The following ADGRV1 variants were observed in gnomAD, a reference collection of about 807,000 sequenced individuals.
The protein encoded by ADGRV1 is G-protein coupled receptor 98.
In ADGRV1, 359 loss-of-function variants were observed where a neutral mutation model predicts 596.2. That is an observed-to-expected ratio of 0.60 (90% confidence interval 0.55 to 0.66). The LOEUF is 0.66. Among genes scored for constraint, ADGRV1 ranks in the 30% least tolerant of loss-of-function variants. The pLI is 0.00. For synonymous variants in ADGRV1, 2,681 were observed against 2,679.2 expected (o/e 1.00, Z -0.02); for missense variants, 7,274 against 7,575.6 (o/e 0.96, Z 1.48).
chr5:90,591,837 C>T (rs868090673), intron 1 of ADGRV1, among the ~76,000 whole-genome samples: 5 of 152,142 alleles, frequency 3.3e-5, no homozygotes, highest in African/African-American at 1.2e-4. Flanking sequence ...TTAGGCATTG[C>T]GCTAAGTATA....
chr5:90,665,784 A>T (rs1771244480), intron 21 of ADGRV1, among the ~76,000 whole-genome samples: 1 of 149,954 alleles, frequency 6.7e-6, no homozygotes, highest in Non-Finnish European at 1.5e-5. Flanking sequence ...CACTGCTTTG[A>T]ATGCGTCCCA....
intron 87 of ADGRV1, among the ~76,000 whole-genome samples, chr5:91,136,149 G>A (rs1794619038): frequency 6.6e-6 from 1 of 152,168 alleles, no homozygotes; most frequent in African/African-American, 2.4e-5. Context: ...CCAAACTACA[G>A]AGGTCTTATT....
rs183613330 is a variant in ADGRV1 at position 91,031,267 on chromosome 5, G to A, written c.18153-41180G>A. 4.5e-5 allele frequency: 71 copies of A among 1,586,300 alleles called. No individual in the cohort carries two copies. In the African/African-American group the frequency reaches 8.5e-4, roughly 19 times the overall value. ...AGGTTGCTGTTGAATGTGTTCCAAG[G>A]CCAGCCTGTTGTAAGTCTCATTGAT... is the stretch of plus-strand genomic sequence containing the variant. On this transcript the variant is annotated intron_variant, in intron 85 of 89. Coordinates refer to ENST00000405460, the MANE Select transcript of ADGRV1 (RefSeq NM_032119.4).
chr5:90,927,748 T>C (rs536910904), intron 83 of ADGRV1, among the ~76,000 whole-genome samples: 4 of 152,190 alleles, frequency 2.6e-5, no homozygotes, highest in Non-Finnish European at 5.9e-5. Flanking sequence ...ACATTTTGGC[T>C]TGATTTTGCA....
At chr5:91,047,486 A>G (rs2151296288) in intron 85 of ADGRV1, among the ~76,000 whole-genome samples, 1 of 152,296 alleles carries the variant, frequency 6.6e-6, no homozygotes, top group Non-Finnish European at 1.5e-5. Context: ...CCAGCATGGG[A>G]GAAAGATGTA....
intron 50 of ADGRV1, among the ~76,000 whole-genome samples, chr5:90,735,479 T>C (rs1406857072): frequency 6.6e-6 from 1 of 152,140 alleles, no homozygotes; most frequent in Non-Finnish European, 1.5e-5. Flanking sequence ...CTTGAGATCG[T>C]TTTGTCTATT....
chr5:90,893,589 C>T (rs1771029060), intron 83 of ADGRV1, among the ~76,000 whole-genome samples: 1 of 152,114 alleles, frequency 6.6e-6, no homozygotes, highest in African/African-American at 2.4e-5. Context: ...TTAGCAGTAT[C>T]CATTTGCTTA....
rs544744993 is a variant in ADGRV1 at position 90,901,933 on chromosome 5, T to C, written c.17856+38076T>C. ...AGAGGGTAGACTGTAGTGTGAATAG[T>C]GGCCTCTTGGGATAGTGGAAGCAGA... On this transcript the variant is annotated intron_variant, in intron 83 of 89. Coordinates refer to ENST00000405460, the MANE Select transcript of ADGRV1 (RefSeq NM_032119.4). Among the ~76,000 whole-genome samples the C allele has an allele frequency of 4.6e-5, 7 of 152,224 alleles. No individual in the cohort carries two copies. In the East Asian group the frequency reaches 5.8e-4, roughly 13 times the overall value.
chr5:90,631,925 A>G (rs1377822275), intron 9 of ADGRV1, among the ~76,000 whole-genome samples: 1 of 152,228 alleles, frequency 6.6e-6, no homozygotes, highest in Non-Finnish European at 1.5e-5. Context: ...GCTTTTAAAA[A>G]TTGATTTTAT....
intron 83 of ADGRV1, among the ~76,000 whole-genome samples, chr5:90,959,181 T>G (rs10074585): frequency 0.4 from 60,721 of 151,904 alleles, 13,717 homozygotes; most frequent in African/African-American, 0.62. Flanking sequence ...AAAATAAATT[T>G]TATTTCTATG....
chr5:90,569,568 T>C (rs1374686625), intron 1 of ADGRV1, among the ~76,000 whole-genome samples: 1 of 150,876 alleles, frequency 6.6e-6, no homozygotes, highest in Admixed American at 6.6e-5. Flanking sequence ...TAATTACTGA[T>C]AAGGTAGGAT....
chr5:90,906,915 A>G (rs1408671257), intron 83 of ADGRV1, among the ~76,000 whole-genome samples: 1 of 152,138 alleles, frequency 6.6e-6, no homozygotes, highest in African/African-American at 2.4e-5. Context: ...TTGAGTAATA[A>G]TATACATAAT....
intron 85 of ADGRV1, among the ~76,000 whole-genome samples, chr5:91,004,170 A>G (rs904552600): frequency 6.6e-6 from 1 of 152,202 alleles, no homozygotes; most frequent in African/African-American, 2.4e-5. Flanking sequence ...ACTTCCAACT[A>G]TCAGATAAGT....
intron 85 of ADGRV1, among the ~76,000 whole-genome samples, chr5:91,024,901 G>T (rs941919323): frequency 2.0e-5 from 3 of 152,128 alleles, no homozygotes; most frequent in Non-Finnish European, 4.4e-5. Context: ...GCATCAAATT[G>T]CGCAGAATGG....
At chr5:90,746,563 T>G (rs980599322) in intron 52 of ADGRV1, among the ~76,000 whole-genome samples, 2 of 152,200 alleles carry the variant, frequency 1.3e-5, no homozygotes, top group African/African-American at 4.8e-5. Context: ...TCGGGGTTAG[T>G]TGGATACTCT....
rs141501365 is a variant in ADGRV1, at chr5:90,790,773, AT to A, written c.14044-90del. On this transcript the variant is annotated intron_variant, in intron 69 of 89. Transcript: ENST00000405460. ...TTTGAATATAGTGATGCACAATTAT[AT>A]TTTTTTTTTGTATATTATAGAGAAA... The A allele has an allele frequency of 0.041, 27,290 of 663,022 alleles. 956 individuals carry two copies. The highest frequency in any genetic ancestry group is 0.16 in the African/African-American group (8,714 of 54,346). The allele number at this position is 663,022 out of a possible 1,614,324, so 41.1% of individuals were successfully genotyped here.
chr5:90,798,505 G>T (rs2150169181), intron 70 of ADGRV1, among the ~76,000 whole-genome samples: 1 of 152,282 alleles, frequency 6.6e-6, no homozygotes, highest in Admixed American at 6.5e-5. Context: ...GTACAAAGAG[G>T]AGCTGGTACC....
intron 11 of ADGRV1, among the ~76,000 whole-genome samples, chr5:90,639,934 C>T (rs1766747677): frequency 6.6e-6 from 1 of 152,062 alleles, no homozygotes; most frequent in African/African-American, 2.4e-5. Context: ...TTATAATTTC[C>T]TCTCAATGTC....
At chr5:91,133,710 C>G (rs2126808435) in intron 87 of ADGRV1, among the ~76,000 whole-genome samples, 1 of 152,330 alleles carries the variant, frequency 6.6e-6, no homozygotes, top group Non-Finnish European at 1.5e-5. Context: ...TTTCCTCTTT[C>G]ATGTGCTGGT....
Sources: allele counts gnomAD v4.1 joint callset (sites outside exome capture counted in the v4.1 genomes callset), GRCh38; gene constraint gnomAD v4.1.1; transcripts MANE v1.5; gene names NCBI Gene and HGNC (gene_info 2026-07-23, HGNC 2026-07-21).